The following WDR45B variants were observed in gnomAD, a reference collection of about 807,000 sequenced individuals.
The protein encoded by WDR45B is WD repeat domain phosphoinositide-interacting protein 3.
Under a neutral mutation model 44.6 loss-of-function variants are expected in WDR45B, and 20 were observed. The observed-to-expected ratio is 0.45, with a 90% CI of 0.32 to 0.65. The LOEUF is 0.65. WDR45B is among the 30% of genes least tolerant of loss of function. The probability of loss-of-function intolerance (pLI) is 0.05; values close to 1 mark genes in which losing one functional copy is unlikely to be tolerated. For synonymous variants in WDR45B, 169 were observed against 164.9 expected, an observed-to-expected ratio of 1.02 and a Z score of -0.19; for missense variants, 323 against 430.2, an observed-to-expected ratio of 0.75 and a Z score of 2.20.
chr17:82,634,302 A>G (rs949337893), intron 2 of WDR45B, among the ~76,000 whole-genome samples: 12 of 151,762 alleles, frequency 7.9e-5, no homozygotes, highest in Admixed American at 6.6e-4. Flanking sequence ...ATCCTGGCCA[A>G]CATGGTGAAA....
rs2045516523 is a variant in WDR45B, at chr17:82,615,309, G to A, written c.*610C>T. On this transcript the variant is annotated 3_prime_UTR_variant, in exon 10 of 10. Transcript: ENST00000392325. Reference sequence around the variant, plus strand: ...CACAGGTGACGTCACGGGCACAGATGACCACGTTGCGGGTACGGAGAAGAC... The same window carrying A: ...CACAGGTGACGTCACGGGCACAGATAACCACGTTGCGGGTACGGAGAAGAC... The A allele has an allele frequency of 6.2e-6, 1 of 160,348 alleles. No individual in the cohort carries two copies. Among genetic ancestry groups the A allele is most frequent in the Admixed American group, 5.8e-5 (1 of 17,356 alleles). The allele number at this position is 160,348 out of a possible 1,614,324, so 9.9% of individuals were successfully genotyped here.
chr17:82,622,688 T>TC lies in WDR45B; in HGVS notation c.428-890dup, dbSNP rs1252026915. ...ACCTTGTGATCCACCTGCCTTGGCC[T>TC]CCCACAGTGCTGCGATTACAGGCAT... On this transcript the variant is annotated intron_variant, in intron 5 of 9. Transcript: ENST00000392325. 2.0e-5 allele frequency among the ~76,000 whole-genome samples: 3 copies of TC among 152,246 alleles called. No individual in the cohort carries two copies. In the East Asian group the frequency reaches 5.8e-4, roughly 29 times the overall value.
chr17:82,624,779 C>T (rs1196816715), intron 5 of WDR45B, among the ~76,000 whole-genome samples: 10 of 151,400 alleles, frequency 6.6e-5, no homozygotes, highest in South Asian at 4.2e-4. Context: ...CCACCACGCC[C>T]GGCTAATTTT....
At chr17:82,633,460 GC>G (rs1207391024) in intron 2 of WDR45B, among the ~76,000 whole-genome samples, 1 of 152,110 alleles carries the variant, frequency 6.6e-6, no homozygotes, top group Non-Finnish European at 1.5e-5. Flanking sequence ...ACTTCATTAG[GC>G]ATCAGAGACA....
At chr17:82,617,938 T>TA (rs2045561741) in intron 7 of WDR45B, among the ~76,000 whole-genome samples, 1 of 151,804 alleles carries the variant, frequency 6.6e-6, no homozygotes, top group Non-Finnish European at 1.5e-5. Flanking sequence ...CTTTCTTTTT[T>TA]TTTTTTTTGA....
At chr17:82,618,327 T>C (rs992475030) in intron 7 of WDR45B, among the ~76,000 whole-genome samples, 2 of 152,346 alleles carry the variant, frequency 1.3e-5, no homozygotes, top group East Asian at 3.9e-4. Context: ...GGGCATGAGA[T>C]GCTACCCAAG....
intron 2 of WDR45B, among the ~76,000 whole-genome samples, chr17:82,640,803 C>T (rs925847987): frequency 2.6e-5 from 4 of 152,172 alleles, no homozygotes; most frequent in Non-Finnish European, 5.9e-5. Context: ...GAGCACACCA[C>T]ACATGCACAT....
chr17:82,639,322 C>T (rs568339661), intron 2 of WDR45B, among the ~76,000 whole-genome samples: 2 of 152,088 alleles, frequency 1.3e-5, no homozygotes, highest in South Asian at 2.1e-4. Flanking sequence ...GAAAGTCATT[C>T]GGGTTCTCCA....
rs182163057 is a variant in WDR45B, at chr17:82,628,499, G to A, written c.245-1208C>T. Among the ~76,000 whole-genome samples the A allele has an allele frequency of 3.2e-3, 480 of 152,262 alleles. 1 individual carries two copies. The highest frequency in any genetic ancestry group is 5.1e-3 in the Non-Finnish European group (350 of 68,022). On this transcript the variant is annotated intron_variant, in intron 3 of 9. Coordinates refer to ENST00000392325, the MANE Select transcript of WDR45B (RefSeq NM_019613.4). ...CACGCCTGTAATCCCAGCACTTTGG[G>A]AGGCTGGGGTGTGAGATCGCTTGAG...
intron 2 of WDR45B, among the ~76,000 whole-genome samples, chr17:82,637,519 G>A (rs1323148136): frequency 6.6e-6 from 1 of 151,934 alleles, no homozygotes; most frequent in Non-Finnish European, 1.5e-5. Flanking sequence ...CCCACAGGTT[G>A]AAGGCTCAGT....
intron 6 of WDR45B, among the ~76,000 whole-genome samples, chr17:82,620,124 A>G (rs1453650671): frequency 6.6e-6 from 1 of 152,232 alleles, no homozygotes; most frequent in East Asian, 1.9e-4. Flanking sequence ...TGCTAATATG[A>G]TACCATTCTA....
At chr17:82,622,440 T>A (rs1419411281) in intron 5 of WDR45B, among the ~76,000 whole-genome samples, 2 of 152,082 alleles carry the variant, frequency 1.3e-5, no homozygotes, top group Non-Finnish European at 2.9e-5. Context: ...CCAAATTTTT[T>A]ATTTTTTTGA....
intron 5 of WDR45B, 112 bp from the exon 6 acceptor site, chr17:82,621,911 T>A (rs1475095199): frequency 3.4e-6 from 4 of 1,161,490 alleles, no homozygotes; most frequent in Non-Finnish European, 5.0e-6. Flanking sequence ...CATTTATAAA[T>A]ATCAGAACCA....
intron 3 of WDR45B, chr17:82,629,941 A>G: frequency 1.0e-6 from 1 of 983,778 alleles, no homozygotes; most frequent in Non-Finnish European, 1.2e-6. Context: ...TGCCTCCCTC[A>G]CTGAGCCTCT....
intron 3 of WDR45B, among the ~76,000 whole-genome samples, chr17:82,630,302 C>T: frequency 6.6e-6 from 1 of 150,766 alleles, no homozygotes; most frequent in Admixed American, 6.7e-5. Context: ...CTCCCCCACC[C>T]AGCCTACCTC....
At position 82,618,896 on chromosome 17, in the gene WDR45B, C is replaced by T. The variant is rs2045575009; in HGVS notation, c.704+147G>A. The T allele has an allele frequency of 9.8e-6, 7 of 717,428 alleles. No individual in the cohort carries two copies. The East Asian group carries it at 1.3e-4, about 14-fold the overall frequency. 44.4% of individuals were successfully genotyped at this position (717,428 alleles called of 1,614,324 possible). A position where few individuals can be genotyped will look rare whatever the true frequency, so the allele number is the denominator to read the frequency against. On this transcript the variant is annotated intron_variant, in intron 7 of 9. Transcript: ENST00000392325. ...TAATCACAATTTAAAAAGCTGAAAC[C>T]CAACCCCCTAGCAGCCCAAGCTTCT...
rs1598255581 is a variant in WDR45B at position 82,616,037 on chromosome 17, G to A, written c.929-12C>T. ...GTCTGCACAAATTGCTGGGATAGAA[G>A]GAGACCATTTTACCTGTGTGTTTCT... On this transcript the variant is annotated splice_polypyrimidine_tract_variant and intron_variant, in intron 9 of 9. Coordinates refer to ENST00000392325, the MANE Select transcript of WDR45B (RefSeq NM_019613.4). 5.6e-6 allele frequency: 9 copies of A among 1,611,020 alleles called. No homozygotes were observed. Among genetic ancestry groups the A allele is most frequent in the Middle Eastern group, 1.7e-4 (1 of 6,056 alleles).
At chr17:82,616,192 C>A (rs1394928621) in intron 9 of WDR45B, among the ~76,000 whole-genome samples, 167 bp from the exon 10 acceptor site, 1 of 152,144 alleles carries the variant, frequency 6.6e-6, no homozygotes, top group African/African-American at 2.4e-5. Context: ...GGCACCGTGG[C>A]CGGGAATCCT....
intron 6 of WDR45B, among the ~76,000 whole-genome samples, chr17:82,620,439 CAAAACA>C (rs1598260225): frequency 6.6e-6 from 1 of 152,148 alleles, no homozygotes; most frequent in African/African-American, 2.4e-5. Context: ...TCTCAAAAAA[CAAAACA>C]AAACAAAACA....
Sources: gnomAD v4.1 joint callset for allele counts (sites outside exome capture counted in the v4.1 genomes callset) on GRCh38, gnomAD v4.1.1 for gene constraint, MANE v1.5 for transcripts, NCBI Gene and HGNC (gene_info 2026-07-23, HGNC 2026-07-21) for gene names.